TUSC3: variants seen among roughly 807,000 people sequenced by gnomAD.
TUSC3 encodes the protein tumor suppressor candidate 3, also known as dolichyl-diphosphooligosaccharide--protein glycosyltransferase subunit TUSC3.
A neutral mutation model predicts 44.8 loss-of-function variants in TUSC3; 45 were observed. The observed-to-expected ratio is 1.00, with a 90% CI of 0.79 to 1.29. The LOEUF is 1.29. Among genes scored for constraint, TUSC3 ranks in the 50% most tolerant of loss-of-function variants. The pLI, the probability that TUSC3 is intolerant of heterozygous loss-of-function variation, is 0.00. For missense variants in TUSC3, 519 were observed against 437.9 expected, an observed-to-expected ratio of 1.19 and a Z score of -1.65; for synonymous variants, 212 against 152.9, an observed-to-expected ratio of 1.39 and a Z score of -2.85.
chr8:15,570,891 A>G (rs1416718153), intron 1 of TUSC3, among the ~76,000 whole-genome samples: 2 of 145,560 alleles, frequency 1.4e-5, no homozygotes, highest in African/African-American at 5.0e-5. Context: ...TTCAAAATAT[A>G]TATTTGATCT....
At chr8:15,687,218 T>A (rs1258385480) in intron 6 of TUSC3, among the ~76,000 whole-genome samples, 1 of 152,212 alleles carries the variant, frequency 6.6e-6, no homozygotes, top group African/African-American at 2.4e-5. Flanking sequence ...ATTAACATAT[T>A]TGTTAGGTAC....
chr8:15,504,303 C>G (rs1416298227), intron 2 of TUSC3, among the ~76,000 whole-genome samples: 22 of 151,874 alleles, frequency 1.4e-4, no homozygotes, highest in Admixed American at 1.4e-3. Flanking sequence ...TGCAGTTTAA[C>G]TTATTGACAT....
chr8:15,638,679 C>T (rs1349220099), intron 2 of TUSC3, among the ~76,000 whole-genome samples: 1 of 151,842 alleles, frequency 6.6e-6, no homozygotes, highest in Non-Finnish European at 1.5e-5. Context: ...ACATGTGGTA[C>T]CACGCCTGGC....
intron 6 of TUSC3, among the ~76,000 whole-genome samples, chr8:15,711,519 A>G (rs1030351879): frequency 2.7e-5 from 4 of 149,560 alleles, no homozygotes; most frequent in African/African-American, 4.9e-5. Flanking sequence ...GTATATATAT[A>G]TATTTAATAT....
rs528852746 is a variant in TUSC3, at chr8:15,529,947, G to GCCACCGCGCCCA, written n.189+46464_189+46465insCCACCGCGCCCA. Among the ~76,000 whole-genome samples the GCCACCGCGCCCA allele has an allele frequency of 3.5e-4, 9 of 25,638 alleles. 2 individuals carry two copies. The highest frequency in any genetic ancestry group is 9.1e-4 in the African/African-American group (9 of 9,904). 16.8% of individuals were successfully genotyped at this position (25,638 alleles called of 152,430 possible). ...CGAGTAGCTGGGACTACAGGCGCCC[G>GCCACCGCGCCCA]GCTAATTTTTTGTATTTTTAGTAGA... On this transcript the variant is annotated intron_variant and non_coding_transcript_variant, in intron 2 of 5. Transcript: ENST00000503191.
chr8:15,487,216 C>T (rs1427460270), intron 2 of TUSC3, among the ~76,000 whole-genome samples: 1 of 152,136 alleles, frequency 6.6e-6, no homozygotes. Flanking sequence ...CGTATTTCTA[C>T]TACTTTGAAT....
At chr8:15,587,755 A>G (rs996824449) in intron 1 of TUSC3, among the ~76,000 whole-genome samples, 9 of 152,032 alleles carry the variant, frequency 5.9e-5, no homozygotes, top group Non-Finnish European at 1.5e-5. Context: ...TCTAATAACC[A>G]TAATTCTACT....
chr8:15,708,182 A>C (rs1809699127), intron 6 of TUSC3, among the ~76,000 whole-genome samples: 1 of 151,964 alleles, frequency 6.6e-6, no homozygotes, highest in Non-Finnish European at 1.5e-5. Flanking sequence ...TAGCATAAGA[A>C]AGTAAAGAAA....
chr8:15,657,126 T>C (rs1807210799), intron 3 of TUSC3, among the ~76,000 whole-genome samples: 1 of 152,190 alleles, frequency 6.6e-6, no homozygotes, highest in Non-Finnish European at 1.5e-5. Context: ...AATACCTGGC[T>C]TCCTTTCCAT....
At chr8:15,622,174 T>C (rs1029274768) in intron 1 of TUSC3, among the ~76,000 whole-genome samples, 2 of 152,166 alleles carry the variant, frequency 1.3e-5, no homozygotes, top group Non-Finnish European at 2.9e-5. Context: ...TATACTTGCT[T>C]GGTTTTAAAA....
In TUSC3 at chr8:15,598,071, G is replaced by A. The variant is rs1221330182; in HGVS notation, c.139-25009G>A. On this transcript the variant is annotated intron_variant, in intron 1 of 10. Coordinates refer to ENST00000503731, the MANE Select transcript of TUSC3 (RefSeq NM_006765.4). ...CGTAAATAAATGCTTTGAGAATCAAGTTATTTCTTTAAGAGTTTCCAGTTG... is the reference window on the plus strand; with the variant it reads ...CGTAAATAAATGCTTTGAGAATCAAATTATTTCTTTAAGAGTTTCCAGTTG... Among the ~76,000 whole-genome samples the A allele has an allele frequency of 4.6e-5, 7 of 152,096 alleles. No homozygotes were observed. In the East Asian group the frequency reaches 1.4e-3, roughly 29 times the overall value.
intron 1 of TUSC3, among the ~76,000 whole-genome samples, chr8:15,621,783 A>C (rs1477212309): frequency 6.6e-6 from 1 of 151,210 alleles, no homozygotes; most frequent in African/African-American, 2.4e-5. Flanking sequence ...GGTCTTTTAA[A>C]AAAAAAACAC....
At chr8:15,468,428 A>G (rs2129122677) in intron 1 of TUSC3, among the ~76,000 whole-genome samples, 1 of 152,186 alleles carries the variant, frequency 6.6e-6, no homozygotes, top group African/African-American at 2.4e-5. Context: ...CATAGCCATG[A>G]GCCTCTCCCT....
At chr8:15,843,625 C>CACAT in the TUSC3 span, among the ~76,000 whole-genome samples, 23 of 139,032 alleles carry the variant, frequency 1.7e-4, no homozygotes, top group African/African-American at 6.9e-4. Flanking sequence ...TATATATACA[C>CACAT]GCACATACAC....
At chr8:15,513,046 CAAG>C (rs1452630022) in intron 2 of TUSC3, among the ~76,000 whole-genome samples, 1 of 148,294 alleles carries the variant, frequency 6.7e-6, no homozygotes, top group Non-Finnish European at 1.5e-5. Context: ...CCCATATATT[CAAG>C]AAGTTAGGAA....
At chr8:15,630,470 T>C (rs993170898) in intron 2 of TUSC3, among the ~76,000 whole-genome samples, 1 of 152,120 alleles carries the variant, frequency 6.6e-6, no homozygotes, top group South Asian at 2.1e-4. Flanking sequence ...TATTATGTCA[T>C]GTGATTCTCA....
chr8:15,730,344 C>A (rs948796531), intron 6 of TUSC3, among the ~76,000 whole-genome samples: 1 of 151,840 alleles, frequency 6.6e-6, no homozygotes, highest in African/African-American at 2.4e-5. Context: ...AAATGTTTTG[C>A]TATATTTTGT....
chr8:15,486,520 C>G (rs927029558), intron 2 of TUSC3, among the ~76,000 whole-genome samples: 2 of 152,192 alleles, frequency 1.3e-5, no homozygotes, highest in Admixed American at 6.5e-5. Flanking sequence ...TCTCGCCTCA[C>G]TGCAACCTCC....
At chr8:15,617,832 C>T (rs182466666) in intron 1 of TUSC3, among the ~76,000 whole-genome samples, 1 of 152,228 alleles carries the variant, frequency 6.6e-6, no homozygotes, top group East Asian at 1.9e-4. Context: ...ATATGTAAGG[C>T]AGAAACCATT....
Sources: gnomAD v4.1 joint callset for allele counts (sites outside exome capture counted in the v4.1 genomes callset) on GRCh38, gnomAD v4.1.1 for gene constraint, MANE v1.5 for transcripts, NCBI Gene and HGNC (gene_info 2026-07-23, HGNC 2026-07-21) for gene names.